The following UACA variants were observed in gnomAD, a reference collection of about 807,000 sequenced individuals.
UACA encodes uveal autoantigen with coiled-coil domains and ankyrin repeats.
Under a neutral mutation model 160.5 loss-of-function variants are expected in UACA, and 112 were observed. The observed-to-expected ratio is 0.70, with a 90% CI of 0.60 to 0.82. The LOEUF (loss-of-function observed/expected upper bound fraction) is 0.82. UACA is among the 40% of genes least tolerant of loss of function. The pLI is 0.00. For synonymous variants in UACA, 557 were observed against 568.4 expected, an observed-to-expected ratio of 0.98 and a Z score of 0.29; for missense variants, 1,574 against 1,614.6, an observed-to-expected ratio of 0.97 and a Z score of 0.43.
intron 3 of UACA, among the ~76,000 whole-genome samples, chr15:70,692,349 G>C (rs147936628): frequency 8.6e-5 from 13 of 151,946 alleles, no homozygotes; most frequent in African/African-American, 3.1e-4. Context: ...TTTGTGTAGA[G>C]ACAGGGGCTC....
rs564537100 is a variant in UACA, at chr15:70,742,717, C to T, written c.78+20613G>A. Among the ~76,000 whole-genome samples the T allele has an allele frequency of 1.4e-4, 21 of 152,262 alleles. No individual in the cohort carries two copies. The South Asian group carries it at 4.4e-3, about 32-fold the overall frequency. ...CAGGTCTTTTCCCATGTGAATGTTT[C>T]ATATGACTATTATCAGGTTGTACCT... On this transcript the variant is annotated intron_variant, in intron 1 of 18. Transcript: ENST00000322954.
intron 7 of UACA, among the ~76,000 whole-genome samples, chr15:70,687,053 G>A (rs575072812): frequency 6.6e-6 from 1 of 152,278 alleles, no homozygotes; most frequent in South Asian, 2.1e-4. Flanking sequence ...AGATGGCACT[G>A]TACCCTGGCA....
intron 1 of UACA, among the ~76,000 whole-genome samples, chr15:70,744,045 C>A (rs540305850): frequency 6.6e-6 from 1 of 152,054 alleles, no homozygotes; most frequent in East Asian, 1.9e-4. Flanking sequence ...GAGATCGAGA[C>A]CATCCTGGCT....
intron 1 of UACA, among the ~76,000 whole-genome samples, chr15:70,712,604 C>T (rs1277105891): frequency 6.6e-6 from 1 of 152,164 alleles, no homozygotes; most frequent in Non-Finnish European, 1.5e-5. Context: ...ACTCCCTGCA[C>T]AGTGCTGCCC....
intron 1 of UACA, among the ~76,000 whole-genome samples, chr15:70,742,555 T>C (rs999362153): frequency 7.9e-5 from 12 of 152,300 alleles, no homozygotes; most frequent in African/African-American, 2.9e-4. Flanking sequence ...TTCTTAGTTT[T>C]ATATAAATAT....
intron 5 of UACA, among the ~76,000 whole-genome samples, chr15:70,689,258 T>C (rs1220296666): frequency 6.6e-6 from 1 of 152,172 alleles, no homozygotes; most frequent in Non-Finnish European, 1.5e-5. Flanking sequence ...TGTCAATATA[T>C]ATCACTCAAC....
At chr15:70,660,537 G>C (rs1896670312) in intron 17 of UACA, 1 of 258,298 alleles carries the variant, frequency 3.9e-6, no homozygotes, top group South Asian at 8.6e-5. Flanking sequence ...TTCCCATCCT[G>C]TCTTACTATC....
At chr15:70,705,710 C>T (rs74021844) in intron 1 of UACA, among the ~76,000 whole-genome samples, 2,394 of 151,900 alleles carry the variant, frequency 0.016, 58 homozygotes, top group African/African-American at 0.053. Flanking sequence ...AAACAAAATA[C>T]GGCAAGATTA....
rs1896922491 is a variant in UACA at position 70,666,769 on chromosome 15, T to G, written c.3915A>C (p.Arg1305Ser). Residue 1305 changes from arginine to serine, a missense_variant, in exon 16 of 19, where the codon AGA becomes AGC. By Grantham distance (110) the Arg-to-Ser change is moderately radical. Transcript: ENST00000322954. ...TTTGTTTAGCAGATTCTTGTATTCT[T>G]CTTTGTAACTCTGTGATTGTTGTTA... Reference protein sequence around the residue: ...KSLTTITELQRRIQESAKQIE... With the variant: ...KSLTTITELQSRIQESAKQIE... The G allele has an allele frequency of 6.2e-7, 1 of 1,609,804 alleles. No homozygotes were observed. The highest frequency in any genetic ancestry group is 2.2e-5 in the East Asian group (1 of 44,856).
chr15:70,682,197 T>C (rs905632059), intron 9 of UACA, among the ~76,000 whole-genome samples: 3 of 152,222 alleles, frequency 2.0e-5, no homozygotes, highest in African/African-American at 7.2e-5. Flanking sequence ...ATAATAAATG[T>C]AGTGCAAAGC....
intron 13 of UACA, 49 bp downstream of exon 13, chr15:70,676,444 T>C: frequency 7.9e-7 from 1 of 1,272,238 alleles, no homozygotes; most frequent in Non-Finnish European, 1.1e-6. Context: ...GCCAAGAGCC[T>C]TACCATTACC....
chr15:70,717,114 G>A (rs1325208174), intron 1 of UACA, among the ~76,000 whole-genome samples: 9 of 152,126 alleles, frequency 5.9e-5, no homozygotes, highest in South Asian at 4.1e-4. Context: ...CCAGCTACTC[G>A]GGAGGCTGAG....
At chr15:70,715,615 A>G (rs1350096577) in intron 1 of UACA, among the ~76,000 whole-genome samples, 2 of 152,342 alleles carry the variant, frequency 1.3e-5, no homozygotes, top group African/African-American at 4.8e-5. Context: ...ATTAAAAGTT[A>G]GCTGCTCTTC....
chr15:70,764,183 C>T (rs1241294985), upstream of UACA, among the ~76,000 whole-genome samples: 1 of 151,908 alleles, frequency 6.6e-6, no homozygotes, highest in Admixed American at 6.6e-5. Flanking sequence ...AAGAATCCGC[C>T]GTATTGGAAG....
intron 1 of UACA, among the ~76,000 whole-genome samples, chr15:70,760,668 G>C (rs1167229245): frequency 6.6e-6 from 1 of 151,990 alleles, no homozygotes; most frequent in African/African-American, 2.4e-5. Flanking sequence ...TTAGCCTGGC[G>C]TGGTGGTGCA....
chr15:70,754,449 G>A (rs149151036), intron 1 of UACA, among the ~76,000 whole-genome samples: 34 of 152,316 alleles, frequency 2.2e-4, no homozygotes, highest in African/African-American at 8.2e-4. Flanking sequence ...GAGGCTAAGT[G>A]TTCTGAGCAT....
intron 1 of UACA, among the ~76,000 whole-genome samples, chr15:70,745,380 A>C (rs1899673041): frequency 6.6e-6 from 1 of 151,458 alleles, no homozygotes. Context: ...GCTTGCAGTG[A>C]GCCGAGATCG....
chr15:70,735,147 TAAAAAAAAAAAA>T (rs1555415817), intron 1 of UACA, among the ~76,000 whole-genome samples: 1 of 3,100 alleles, frequency 3.2e-4, no homozygotes, highest in Non-Finnish European at 6.3e-4. Flanking sequence ...TAGAGTATAA[TAAAAAAAAAAAA>T]AAAAAAAAAA....
chr15:70,662,161 A>T (rs892963348), intron 17 of UACA, among the ~76,000 whole-genome samples: 1 of 152,238 alleles, frequency 6.6e-6, no homozygotes. Context: ...ACTTGAGCAA[A>T]GTCTCAGGGT....
Sources: allele counts gnomAD v4.1 joint callset (sites outside exome capture counted in the v4.1 genomes callset), GRCh38; gene constraint gnomAD v4.1.1; transcripts MANE v1.5; gene names NCBI Gene and HGNC (gene_info 2026-07-23, HGNC 2026-07-21).